Variants in SHC4 observed in about 807,000 individuals in gnomAD.
SHC4 encodes SHC adaptor protein 4.
SHC4 carries 41 observed loss-of-function variants against 69.4 expected under a neutral mutation model. That is an observed-to-expected ratio of 0.59 (90% CI 0.46 to 0.77). SHC4 has a LOEUF of 0.77. Among genes scored for constraint, SHC4 ranks in the 30% least tolerant of loss-of-function variants. The pLI is 0.00. For missense variants in SHC4, 777 were observed against 783.8 expected (o/e 0.99, Z 0.10); for synonymous variants, 318 against 299.3 (o/e 1.06, Z -0.64).
At position 48,910,716 on chromosome 15, in the gene SHC4, C is replaced by T. The variant is rs113716605; in HGVS notation, c.656+14163G>A. On this transcript the variant is annotated intron_variant, in intron 2 of 11. Coordinates refer to ENST00000332408, the MANE Select transcript of SHC4 (RefSeq NM_203349.4). ...TAGACATTTATGGCTATGAACTTCC[C>T]TCTTAGCACCGCCTTAGCTGTATCC... 2.6e-5 allele frequency among the ~76,000 whole-genome samples: 4 copies of T among 152,076 alleles called. No individual in the cohort carries two copies. The East Asian group carries it at 7.7e-4, about 29-fold the overall frequency.
At chr15:48,945,177 A>G (rs1901252431) in intron 1 of SHC4, among the ~76,000 whole-genome samples, 1 of 152,256 alleles carries the variant, frequency 6.6e-6, no homozygotes, top group African/African-American at 2.4e-5. Context: ...AAAAAGTCAT[A>G]GCTGACTGAA....
intron 2 of SHC4, among the ~76,000 whole-genome samples, chr15:48,921,420 C>T (rs142051807): frequency 6.7e-4 from 102 of 151,844 alleles, no homozygotes; most frequent in Admixed American, 5.3e-3. Flanking sequence ...CTGCAACCTC[C>T]GCCTCCCGGG....
chr15:48,932,617 G>T (rs1900987877), intron 1 of SHC4, among the ~76,000 whole-genome samples: 1 of 152,032 alleles, frequency 6.6e-6, no homozygotes, highest in South Asian at 2.1e-4. Flanking sequence ...TCTTATCCAT[G>T]TCCATCTTAT....
rs1431831506 is a variant in SHC4, at chr15:48,962,551, TG to T, written c.464del (p.Ala155GlufsTer4). 1 of 1,604,430 alleles carries T rather than the reference TG, an allele frequency of 6.2e-7. No individual in the cohort carries two copies. Among genetic ancestry groups the T allele is most frequent in the African/African-American group, 1.3e-5 (1 of 74,714 alleles). Reference protein sequence around the residue: ...PPQQDLVGHRATALTPDSCPL... With the variant: ...PPQQDLVGHRXTALTPDSCPL... ...GGCACGAATCAGGGGTTAGGGCGGT[TG>T]CCCTGTGTCCCACCAGGTCCTGCTG... On this transcript the variant is annotated frameshift_variant, in exon 1 of 12. Transcript: ENST00000332408. LOFTEE classifies it high-confidence loss of function.
At chr15:48,910,466 C>T (rs1377490096) in intron 2 of SHC4, among the ~76,000 whole-genome samples, 1 of 151,986 alleles carries the variant, frequency 6.6e-6, no homozygotes, top group African/African-American at 2.4e-5. Context: ...GTTAATCTTG[C>T]TAATGGTCTA....
Position 48,826,036 on chromosome 15 carries a change from C to G in SHC4, c.1828G>C (p.Glu610Gln). The G allele has an allele frequency of 6.2e-7, 1 of 1,613,972 alleles. No homozygotes were observed. Among genetic ancestry groups the G allele is most frequent in the African/African-American group, 1.3e-5 (1 of 75,016 alleles). The change falls in exon 12 of 12, where the codon GAA becomes CAA. Residue 610 changes from glutamate (E) to glutamine (Q), a missense_variant. Glu to Gln is a conservative substitution (Grantham distance 29). Transcript: ENST00000332408. Reference protein sequence around the residue: ...NSLPIISSGSEVSLKQPVRKD... With the variant: ...NSLPIISSGSQVSLKQPVRKD... ...CTCACTGGTTGTTTAAGGCTTACTT[C>G]GCTTCCAGAGGAGATGATTGGCAAA...
chr15:48,876,709 C>A, intron 4 of SHC4: 1 of 545,142 alleles, frequency 1.8e-6, no homozygotes. Context: ...TCTCTCTTTT[C>A]ACATTTTTCT....
chr15:48,963,063 C>T lies in SHC4; in HGVS notation c.-48G>A, dbSNP rs771677407. 120 of 1,540,398 alleles carry T rather than the reference C, an allele frequency of 7.8e-5. 1 individual carries two copies. In the Admixed American group the frequency reaches 1.7e-3, roughly 22 times the overall value. On this transcript the variant is annotated 5_prime_UTR_variant, in exon 1 of 12. Transcript: ENST00000332408. ...GATACTGTTGCATAAATCGCCTCGT[C>T]GTCTGGTAGATAAACGGTGCAGACA...
At position 48,857,795 on chromosome 15, in the gene SHC4, G is replaced by T; in HGVS notation, c.967C>A (p.His323Asn). 1.3e-6 allele frequency: 2 copies of T among 1,560,562 alleles called. No homozygotes were observed. Among genetic ancestry groups the T allele is most frequent in the Non-Finnish European group, 8.7e-7 (1 of 1,151,632 alleles). ...ATGACGTCTTGGGCCATTCCATTGT[G>T]GCATTCCAATATGTGACAGGCTGCA... The part of the protein sequence containing the change: ...NQRACHILEC[H>N]NGMAQDVIST... The change falls in exon 7 of 12, where the codon CAC (histidine) becomes AAC (asparagine). Residue 323 changes from histidine (H) to asparagine (N), a missense_variant. Coordinates refer to ENST00000332408, the MANE Select transcript of SHC4 (RefSeq NM_203349.4).
At chr15:48,933,343 G>T (rs1396273344) in intron 1 of SHC4, among the ~76,000 whole-genome samples, 1 of 152,032 alleles carries the variant, frequency 6.6e-6, no homozygotes, top group Non-Finnish European at 1.5e-5. Flanking sequence ...TGATCAAAAA[G>T]AATAAAATAC....
intron 1 of SHC4, among the ~76,000 whole-genome samples, chr15:48,946,309 T>A (rs1490056307): frequency 1.3e-5 from 2 of 152,234 alleles, no homozygotes; most frequent in Non-Finnish European, 2.9e-5. Context: ...CAAACCTTTT[T>A]GGAAGTCAGC....
chr15:48,915,043 G>A (rs1163287734), intron 2 of SHC4, among the ~76,000 whole-genome samples: 1 of 152,184 alleles, frequency 6.6e-6, no homozygotes, highest in African/African-American at 2.4e-5. Flanking sequence ...CAAGTCCTCT[G>A]CCCATTGTTT....
At chr15:48,867,610 A>C (rs187654593) in intron 6 of SHC4, among the ~76,000 whole-genome samples, 1 of 152,202 alleles carries the variant, frequency 6.6e-6, no homozygotes, top group African/African-American at 2.4e-5. Flanking sequence ...GGATCTTTAA[A>C]ATGATTTAAA....
intron 9 of SHC4, among the ~76,000 whole-genome samples, chr15:48,849,569 G>A (rs145152392): frequency 2.0e-4 from 30 of 152,306 alleles, no homozygotes; most frequent in African/African-American, 6.0e-4. Flanking sequence ...TAAATAAAGT[G>A]TTGAATAAAT....
intron 2 of SHC4, among the ~76,000 whole-genome samples, chr15:48,901,544 T>C (rs1900318129): frequency 6.6e-6 from 1 of 152,194 alleles, no homozygotes. Flanking sequence ...TTAATTATCA[T>C]CTAACCTTCA....
chr15:48,880,443 T>G (rs185126379), intron 4 of SHC4, among the ~76,000 whole-genome samples: 1 of 152,322 alleles, frequency 6.6e-6, no homozygotes, highest in Admixed American at 6.5e-5. Context: ...GGTGGGGGTA[T>G]GCTAGTGCAC....
chr15:48,855,993 A>T lies in SHC4; in HGVS notation c.1202T>A (p.Met401Lys). Residue 401 changes from methionine (M) to lysine (K), a missense_variant, in exon 8 of 12, where the codon ATG becomes AAG. By Grantham distance (95) the Met-to-Lys change is moderately conservative (BLOSUM62 -1). Coordinates refer to ENST00000332408, the MANE Select transcript of SHC4 (RefSeq NM_203349.4). The stretch of plus-strand genomic sequence containing the variant: ...TTCACACTGTATGGGGCAGTAAGCC[A>T]TTTGTTCCGTGGCTTGAACTTTGAT... Reference protein sequence around the residue: ...MRIKVQATEQMAYCPIQCEKL... With the variant: ...MRIKVQATEQKAYCPIQCEKL... 6.2e-7 allele frequency: 1 copy of T among 1,613,904 alleles called. No individual in the cohort carries two copies.
At chr15:48,923,323 G>A (rs1037311029) in intron 2 of SHC4, among the ~76,000 whole-genome samples, 8 of 152,200 alleles carry the variant, frequency 5.3e-5, no homozygotes, top group Admixed American at 3.3e-4. Flanking sequence ...GTCCAAGGCA[G>A]GTGGATGACC....
chr15:48,830,615 AC>A (rs1362272653), intron 11 of SHC4, among the ~76,000 whole-genome samples: 2 of 152,026 alleles, frequency 1.3e-5, no homozygotes, highest in Admixed American at 1.3e-4. Context: ...AAGAAGAAGA[AC>A]CCCCCAAAAA....
Sources: gnomAD v4.1 joint callset for allele counts (sites outside exome capture counted in the v4.1 genomes callset) on GRCh38, gnomAD v4.1.1 for gene constraint, MANE v1.5 for transcripts, NCBI Gene and HGNC (gene_info 2026-07-23, HGNC 2026-07-21) for gene names.